Variants in PARVB observed in about 807,000 individuals in gnomAD.
PARVB encodes parvin beta, also known as beta-parvin.
PARVB carries 46 observed loss-of-function variants against 47.0 expected under a neutral mutation model. The ratio of observed to expected loss-of-function variants is 0.98; its 90% CI spans 0.77 to 1.25. The LOEUF (loss-of-function observed/expected upper bound fraction) is 1.25, where lower values mean the gene tolerates loss of function less well. Ranked by LOEUF, PARVB falls within the 50% of genes most tolerant of loss-of-function variation. The pLI, the probability that PARVB is intolerant of heterozygous loss-of-function variation, is 0.00. For synonymous variants in PARVB, 196 were observed against 196.3 expected, an observed-to-expected ratio of 1.00 and a Z score of 0.01; for missense variants, 473 against 471.6, an observed-to-expected ratio of 1.00 and a Z score of -0.03.
At chr22:44,090,087 C>T (rs991858261) in intron 1 of PARVB, among the ~76,000 whole-genome samples, 14 of 152,216 alleles carry the variant, frequency 9.2e-5, no homozygotes, top group Admixed American at 2.0e-4. Context: ...TGGGTGCTCA[C>T]GGTTCCCCTT....
At chr22:44,118,646 ATGCTCTGGTCCTAGTGGCTGCAGAGTTG>A (rs1439668934) in intron 3 of PARVB, among the ~76,000 whole-genome samples, 2 of 152,204 alleles carry the variant, frequency 1.3e-5, no homozygotes, top group Non-Finnish European at 2.9e-5. Context: ...TGAACACGAG[ATGCTCTGGTCCTAGTGGCTGCAGAGTTG>A]TGCAGCCTCT....
At chr22:44,053,679 C>G (rs1381380505) in intron 1 of PARVB, among the ~76,000 whole-genome samples, 1 of 152,194 alleles carries the variant, frequency 6.6e-6, no homozygotes, top group Non-Finnish European at 1.5e-5. Flanking sequence ...AGGGTGAGGG[C>G]TCAGTCTCCC....
At chr22:44,167,570 C>G (rs1262100310) in intron 12 of PARVB, among the ~76,000 whole-genome samples, 3 of 152,106 alleles carry the variant, frequency 2.0e-5, no homozygotes, top group Non-Finnish European at 4.4e-5. Flanking sequence ...CTTGCTGCCC[C>G]CCTCGCCTTG....
intron 2 of PARVB, among the ~76,000 whole-genome samples, chr22:44,096,692 G>A (rs1332942169): frequency 1.3e-5 from 2 of 152,176 alleles, no homozygotes; most frequent in Non-Finnish European, 2.9e-5. Context: ...CCCAGAGCTA[G>A]GCTCCTCCCC....
Position 44,047,943 on chromosome 22 carries a change from G to A in PARVB, c.112+23492G>A, listed in dbSNP as rs536925345. On this transcript the variant is annotated intron_variant, in intron 1 of 12. Transcript: ENST00000338758. ...CCTCCGGCTCCCCTGAGTCAGCCCCGGGGAAGACCAATTGTGGGGCTGGAT... is the reference window on the plus strand; with the variant it reads ...CCTCCGGCTCCCCTGAGTCAGCCCCAGGGAAGACCAATTGTGGGGCTGGAT... Among the ~76,000 whole-genome samples the A allele has an allele frequency of 7.2e-5, 11 of 152,282 alleles. No homozygotes were observed. The East Asian group carries it at 7.7e-4, about 11-fold the overall frequency.
At chr22:44,099,714 A>T (rs903224147) in intron 2 of PARVB, among the ~76,000 whole-genome samples, 1 of 152,206 alleles carries the variant, frequency 6.6e-6, no homozygotes, top group Non-Finnish European at 1.5e-5. Flanking sequence ...GCTTTCCCAC[A>T]TACCAGATTC....
intron 7 of PARVB, chr22:44,139,863 G>A: frequency 2.0e-6 from 1 of 511,702 alleles, no homozygotes; most frequent in Middle Eastern, 5.4e-4. Context: ...CATTACCAGG[G>A]TGGTTAATGT....
At chr22:44,163,196 G>A (rs768119433) in intron 11 of PARVB, among the ~76,000 whole-genome samples, 3 of 152,332 alleles carry the variant, frequency 2.0e-5, no homozygotes, top group South Asian at 2.1e-4. Context: ...TGGGCCAGGC[G>A]CAGCGGCTCA....
intron 1 of PARVB, among the ~76,000 whole-genome samples, chr22:44,025,048 A>G (rs73178458): frequency 0.011 from 1,711 of 152,178 alleles, 23 homozygotes; most frequent in Non-Finnish European, 0.015. Flanking sequence ...TAGAGTTGCA[A>G]GGGATAGTCT....
intron 8 of PARVB, chr22:44,146,025 G>A (rs1268903207): frequency 6.6e-6 from 1 of 152,112 alleles, no homozygotes; most frequent in Non-Finnish European, 1.5e-5. Context: ...AGGGCATTTT[G>A]GTCAATGTTG....
intron 2 of PARVB, among the ~76,000 whole-genome samples, chr22:44,095,479 G>C (rs2052280931): frequency 6.6e-6 from 1 of 151,862 alleles, no homozygotes; most frequent in African/African-American, 2.4e-5. Flanking sequence ...ACTCCAACCT[G>C]GGTGACAGAG....
At chr22:44,129,500 C>T (rs962474122) in intron 4 of PARVB, among the ~76,000 whole-genome samples, 2 of 152,208 alleles carry the variant, frequency 1.3e-5, no homozygotes, top group African/African-American at 4.8e-5. Flanking sequence ...GCGCGTCAGG[C>T]TTCCCATCTC....
upstream of PARVB, among the ~76,000 whole-genome samples, chr22:44,021,773 A>T (rs958567612): frequency 3.0e-5 from 3 of 100,230 alleles, no homozygotes; most frequent in African/African-American, 1.2e-4. Flanking sequence ...ACACACACAC[A>T]CACACACACA....
chr22:44,123,170 G>A (rs1266667882), intron 4 of PARVB, among the ~76,000 whole-genome samples: 1 of 152,206 alleles, frequency 6.6e-6, no homozygotes, highest in Non-Finnish European at 1.5e-5. Context: ...CAGACATGAT[G>A]TAATATTTCC....
chr22:44,131,063 C>CCCTCCCTT (rs1569140891), intron 4 of PARVB, among the ~76,000 whole-genome samples: 1 of 136,000 alleles, frequency 7.4e-6, no homozygotes, highest in Admixed American at 7.4e-5. Context: ...CTCCCTCCCT[C>CCCTCCCTT]CCTCTCTCTC....
chr22:44,057,573 C>G (rs981173009), intron 1 of PARVB, among the ~76,000 whole-genome samples: 33 of 151,884 alleles, frequency 2.2e-4, no homozygotes, highest in Non-Finnish European at 4.6e-4. Context: ...GACTGGGTCT[C>G]GGGGGAGGCC....
intron 1 of PARVB, among the ~76,000 whole-genome samples, chr22:44,032,708 A>G (rs2050847393): frequency 1.3e-5 from 2 of 152,174 alleles, no homozygotes; most frequent in African/African-American, 4.8e-5. Context: ...TGACGCAGAC[A>G]CCAGAGTCCA....
rs369273308 is a variant in PARVB, at chr22:44,119,046, C to A, written c.282C>A (p.Leu94=). ...GCCTGCGTCTCCTGCAGGTCCTCCTCGACTGGATTAATGACGTGCTGGTGG... is the reference window on the plus strand; with the variant it reads ...GCCTGCGTCTCCTGCAGGTCCTCCTAGACTGGATTAATGACGTGCTGGTGG... ...PKFKELVKVL[L]DWINDVLVEE... Residue 94 remains leucine (L), a synonymous_variant, in exon 4 of 13, where the codon CTC becomes CTA. Transcript: ENST00000338758. 4 of 1,613,460 alleles carry A rather than the reference C, an allele frequency of 2.5e-6. No homozygotes were observed. Among genetic ancestry groups the A allele is most frequent in the Admixed American group, 1.7e-5 (1 of 60,016 alleles).
intron 2 of PARVB, among the ~76,000 whole-genome samples, chr22:44,000,347 C>T (rs1185171303): frequency 1.3e-5 from 2 of 152,192 alleles, no homozygotes; most frequent in Admixed American, 6.5e-5. Flanking sequence ...GTTGACCAGC[C>T]GTATGACCTT....
Sources: allele counts gnomAD v4.1 joint callset (sites outside exome capture counted in the v4.1 genomes callset), GRCh38; gene constraint gnomAD v4.1.1; transcripts MANE v1.5; gene names NCBI Gene and HGNC (gene_info 2026-07-23, HGNC 2026-07-21).